The following PPP2R5C variants were observed in gnomAD, a reference collection of about 807,000 sequenced individuals.
The protein encoded by PPP2R5C is serine/threonine-protein phosphatase 2A 56 kDa regulatory subunit gamma isoform.
Under a neutral mutation model 68.9 loss-of-function variants are expected in PPP2R5C, and 7 were observed. The observed-to-expected ratio is 0.10, with a 90% confidence interval of 0.06 to 0.19. The LOEUF is 0.19. Among genes scored for constraint, PPP2R5C ranks in the 10% least tolerant of loss-of-function variants. The pLI, the probability that PPP2R5C is intolerant of heterozygous loss-of-function variation, is 1.00. For synonymous variants in PPP2R5C, 210 were observed against 222.2 expected (o/e 0.95, Z 0.49); for missense variants, 348 against 641.3 (o/e 0.54, Z 4.94).
chr14:101,816,247 G>A (rs545059202), intron 1 of PPP2R5C, among the ~76,000 whole-genome samples: 7 of 152,240 alleles, frequency 4.6e-5, no homozygotes, highest in East Asian at 1.9e-4. Context: ...TTGCTCAGGC[G>A]CTGTTTCCGC....
intron 1 of PPP2R5C, chr14:101,820,636 G>A (rs900289889): frequency 1.2e-4 from 18 of 152,310 alleles, no homozygotes; most frequent in African/African-American, 4.1e-4. Context: ...AGACGTGTCT[G>A]TCTGAGCCTG....
rs951677118 is a variant in PPP2R5C, at chr14:101,901,105, CA to C, written c.853-613del. On this transcript the variant is annotated intron_variant, in intron 8 of 13. Transcript: ENST00000334743. ...AAGTATGTGTGTTTGTGTATAAACA[CA>C]TATGGATGGTTGATAAATTTGAGAA... 6.0e-4 allele frequency among the ~76,000 whole-genome samples: 91 copies of C among 152,340 alleles called. 1 individual carries two copies. The highest frequency in any genetic ancestry group is 5.9e-3 in the Admixed American group (91 of 15,300).
chr14:101,875,344 C>T (rs1436057640), intron 2 of PPP2R5C, among the ~76,000 whole-genome samples: 1 of 152,134 alleles, frequency 6.6e-6, no homozygotes, highest in East Asian at 1.9e-4. Context: ...GCCACCCAGT[C>T]ATACTTGAGA....
chr14:101,772,775 GAC>G (rs2037219700), intron 2 of PPP2R5C, among the ~76,000 whole-genome samples: 1 of 152,188 alleles, frequency 6.6e-6, no homozygotes, highest in Non-Finnish European at 1.5e-5. Flanking sequence ...CAGCCTGGGT[GAC>G]AGAATGCAAC....
chr14:101,799,410 G>C (rs1360951187), intron 3 of PPP2R5C, among the ~76,000 whole-genome samples: 2 of 152,174 alleles, frequency 1.3e-5, no homozygotes, highest in Non-Finnish European at 2.9e-5. Context: ...TTCTCTAAAC[G>C]TGAGGGGATA....
At position 101,797,521 on chromosome 14, in the gene PPP2R5C, G is replaced by C. The variant is rs1228056857; in HGVS notation, c.259+11338G>C. ...TCTCCATTTTCACCGAGATGGTTGT[G>C]GTGTCACCTCTCGTGGGGTGGCCAA... is the stretch of plus-strand genomic sequence containing the variant. On this transcript the variant is annotated intron_variant, in intron 3 of 14. Coordinates refer to the PPP2R5C transcript ENST00000328724. The surrounding 1 kb of genome is among the most constrained non-coding windows in gnomAD (Gnocchi z 4.2). The C allele has an allele frequency of 1.2e-5, 4 of 327,494 alleles. No homozygotes were observed. Among genetic ancestry groups the C allele is most frequent in the Non-Finnish European group, 2.4e-5 (4 of 164,076 alleles). The allele number at this position is 327,494 out of a possible 1,614,324, so 20.3% of individuals were successfully genotyped here. A position where few individuals can be genotyped will look rare whatever the true frequency, so the allele number is the denominator to read the frequency against.
At chr14:101,859,535 A>G (rs2042633376) in intron 2 of PPP2R5C, among the ~76,000 whole-genome samples, 1 of 152,226 alleles carries the variant, frequency 6.6e-6, no homozygotes, top group Admixed American at 6.5e-5. Flanking sequence ...TGGAGGTAGA[A>G]TAGGGGATGG....
intron 13 of PPP2R5C, among the ~76,000 whole-genome samples, chr14:101,924,489 C>A (rs2047190929): frequency 1.0e-5 from 1 of 95,716 alleles, no homozygotes; most frequent in Non-Finnish European, 2.3e-5. Flanking sequence ...GTCACCCAGG[C>A]TGGACTGCAG....
rs139170890 is a variant in PPP2R5C at position 101,785,346 on chromosome 14, A to G, written c.94-672A>G. On this transcript the variant is annotated intron_variant, in intron 2 of 14. Coordinates refer to the PPP2R5C transcript ENST00000328724. ...TTACTATGTTACCGTTCTGGCATGTAGGTCTGAAATGAGGCCAAAATGAAG... is the reference window on the plus strand; with the variant it reads ...TTACTATGTTACCGTTCTGGCATGTGGGTCTGAAATGAGGCCAAAATGAAG... 2.6e-3 allele frequency among the ~76,000 whole-genome samples: 392 copies of G among 152,280 alleles called. 10 individuals carry two copies. Among genetic ancestry groups the G allele is most frequent in the Admixed American group, 0.019 (289 of 15,296 alleles).
rs148381825 is a variant in PPP2R5C, at chr14:101,772,347, C to T, written c.93+9377C>T. Among the ~76,000 whole-genome samples, 534 of 152,150 alleles carry T rather than the reference C, an allele frequency of 3.5e-3. 2 individuals carry two copies. Among genetic ancestry groups the T allele is most frequent in the Admixed American group, 7.7e-3 (118 of 15,264 alleles). The stretch of plus-strand genomic sequence containing the variant: ...GTGGTTGGCCTACACCTGATACCCA[C>T]ACGAGAAAGACTCCATTGCCCATAG... On this transcript the variant is annotated intron_variant, in intron 2 of 14. Coordinates refer to the PPP2R5C transcript ENST00000328724.
At chr14:101,895,494 C>T in intron 8 of PPP2R5C, among the ~76,000 whole-genome samples, 1 of 152,250 alleles carries the variant, frequency 6.6e-6, no homozygotes, top group East Asian at 1.9e-4. Context: ...CCCTCTGGCC[C>T]CTGCTGACCT....
At chr14:101,793,898 T>G (rs2038485462) in intron 3 of PPP2R5C, among the ~76,000 whole-genome samples, 1 of 152,184 alleles carries the variant, frequency 6.6e-6, no homozygotes, top group East Asian at 1.9e-4. Context: ...TCCAGCCAGA[T>G]TCTTCTCTGA....
intron 2 of PPP2R5C, among the ~76,000 whole-genome samples, chr14:101,860,986 C>T (rs2042704306): frequency 6.6e-6 from 1 of 152,120 alleles, no homozygotes; most frequent in Non-Finnish European, 1.5e-5. Context: ...TATACCAGCT[C>T]CATCATTAAT....
intron 1 of PPP2R5C, among the ~76,000 whole-genome samples, chr14:101,842,637 G>A (rs935714762): frequency 6.6e-6 from 1 of 152,136 alleles, no homozygotes; most frequent in South Asian, 2.1e-4. Context: ...TCTATGTCCA[G>A]CCCTTCCCAG....
intron 5 of PPP2R5C, among the ~76,000 whole-genome samples, chr14:101,885,626 G>A (rs2044454303): frequency 6.6e-6 from 1 of 152,234 alleles, no homozygotes; most frequent in African/African-American, 2.4e-5. Flanking sequence ...TTTGCGTGTG[G>A]CTTTCCTTTG....
At chr14:101,764,503 T>A (rs752448245) in intron 2 of PPP2R5C, among the ~76,000 whole-genome samples, 2 of 152,224 alleles carry the variant, frequency 1.3e-5, no homozygotes, top group Non-Finnish European at 2.9e-5. Context: ...AGCCCTGCAT[T>A]CTCTCTTTTC....
At chr14:101,799,119 CT>C (rs1215617308) in intron 3 of PPP2R5C, among the ~76,000 whole-genome samples, 1 of 152,180 alleles carries the variant, frequency 6.6e-6, no homozygotes, top group African/African-American at 2.4e-5. Flanking sequence ...CAAGGAAGAG[CT>C]TGTGGTCCAA....
intron 2 of PPP2R5C, among the ~76,000 whole-genome samples, chr14:101,783,601 T>A (rs1264578389): frequency 6.6e-6 from 1 of 152,068 alleles, no homozygotes; most frequent in Non-Finnish European, 1.5e-5. Flanking sequence ...GCTGACTTAT[T>A]TTCTCAGGGG....
intron 13 of PPP2R5C, among the ~76,000 whole-genome samples, chr14:101,920,045 T>C (rs1264076922): frequency 6.6e-6 from 1 of 151,730 alleles, no homozygotes; most frequent in African/African-American, 2.4e-5. Flanking sequence ...ATTTTTGGTA[T>C]AGCCTTTGAC....
Sources: allele counts gnomAD v4.1 joint callset (sites outside exome capture counted in the v4.1 genomes callset), GRCh38; gene constraint gnomAD v4.1.1; non-coding constraint Gnocchi (gnomAD v3.1); transcripts MANE v1.5; gene names NCBI Gene and HGNC (gene_info 2026-07-23, HGNC 2026-07-21).